TGFBI: variants seen among roughly 807,000 people sequenced by gnomAD.
TGFBI encodes the protein transforming growth factor beta induced, also known as transforming growth factor-beta-induced protein ig-h3.
In TGFBI, 50 loss-of-function variants were observed where a neutral mutation model predicts 73.7. That is an observed-to-expected ratio of 0.68 (90% CI 0.54 to 0.86). The LOEUF is 0.86. Ranked by LOEUF, TGFBI falls within the 40% of genes least tolerant of loss-of-function variation. The probability of loss-of-function intolerance (pLI) is 0.00; values close to 1 mark genes in which losing one functional copy is unlikely to be tolerated. For missense variants in TGFBI, 839 were observed against 877.0 expected (o/e 0.96, Z 0.55); for synonymous variants, 362 against 360.5 (o/e 1.00, Z -0.05).
rs866488413 is a variant in TGFBI, at chr5:136,035,618, C to A, written c.233+1757C>A. Among the ~76,000 whole-genome samples the A allele has an allele frequency of 2.3e-4, 33 of 144,086 alleles. No individual in the cohort carries two copies. The Middle Eastern group carries it at 0.014, about 61-fold the overall frequency. 94.5% of individuals were successfully genotyped at this position (144,086 alleles called of 152,430 possible). On this transcript the variant is annotated intron_variant, in intron 2 of 16. Transcript: ENST00000442011. ...CCAGCCTGGGTGACAGAGTGAGACA[C>A]CGTCTCAAAAAAAAAAAAAAAAAAA...
intron 2 of TGFBI, among the ~76,000 whole-genome samples, chr5:136,042,478 T>C (rs926774403): frequency 6.6e-6 from 1 of 152,172 alleles, no homozygotes; most frequent in Non-Finnish European, 1.5e-5. Flanking sequence ...TGAAAGTGTG[T>C]CAATCAAATC....
chr5:136,047,651 C>T (rs545535376), intron 6 of TGFBI: 8 of 546,000 alleles, frequency 1.5e-5, no homozygotes, highest in South Asian at 1.3e-4. Flanking sequence ...CTTGCCTCCC[C>T]TGGAAAGGTC....
Position 136,063,324 on chromosome 5 carries a change from A to G in TGFBI, c.*98A>G. On this transcript the variant is annotated 3_prime_UTR_variant, in exon 17 of 17. Coordinates refer to ENST00000442011, the MANE Select transcript of TGFBI (RefSeq NM_000358.3). ...TTGAATGTTTTCAAAACCAAGTATC[A>G]CACTTTAATGTACATGGGCCGCACC... 7.0e-6 allele frequency: 8 copies of G among 1,138,636 alleles called. No individual in the cohort carries two copies. Among genetic ancestry groups the G allele is most frequent in the Non-Finnish European group, 9.1e-6 (7 of 765,644 alleles). The allele number at this position is 1,138,636 out of a possible 1,614,324, so 70.5% of individuals were successfully genotyped here. A position where few individuals can be genotyped will look rare whatever the true frequency, so the allele number is the denominator to read the frequency against.
In TGFBI at chr5:136,046,961, C is replaced by T; in HGVS notation, c.570C>T (p.Thr190=). 1 of 1,613,672 alleles carries T rather than the reference C, an allele frequency of 6.2e-7. No individual in the cohort carries two copies. The highest frequency in any genetic ancestry group is 8.5e-7 in the Non-Finnish European group (1 of 1,179,860). ...CTGATGAGCTGAAACACGGCATGAC[C>T]CTCACCTCTATGTACCAGAATTCCA... is the stretch of plus-strand genomic sequence containing the variant. ...VLTDELKHGM[T]LTSMYQNSNI... The change falls in exon 5 of 17, where the codon ACC becomes ACT. Residue 190 remains threonine (T), a synonymous_variant. Transcript: ENST00000442011.
intron 2 of TGFBI, among the ~76,000 whole-genome samples, chr5:136,036,199 G>A (rs1409453661): frequency 6.6e-6 from 1 of 152,172 alleles, no homozygotes; most frequent in Non-Finnish European, 1.5e-5. Flanking sequence ...GAGTCCTCTA[G>A]GAAAAGGAAG....
Position 136,055,801 on chromosome 5 carries a change from G to T in TGFBI, c.1532G>T (p.Gly511Val). The T allele has an allele frequency of 1.2e-6, 2 of 1,609,374 alleles. No homozygotes were observed. The highest frequency in any genetic ancestry group is 1.7e-6 in the Non-Finnish European group (2 of 1,176,492). Residue 511 changes from glycine to valine, a missense_variant, in exon 11 of 17, where the codon GGA (glycine) becomes GTA (valine). Transcript: ENST00000442011. ...GGGACTGTCATGGATGTCCTGAAGG[G>T]AGACAATCGCTTTAGGTAATTAGTT... Reference protein sequence around the residue: ...PMGTVMDVLKGDNRFSMLVAA... With the variant: ...PMGTVMDVLKVDNRFSMLVAA...
chr5:136,053,793 A>T, intron 8 of TGFBI, 150 bp from the exon 9 acceptor site: 1 of 1,141,732 alleles, frequency 8.8e-7, no homozygotes, highest in Non-Finnish European at 1.2e-6. Flanking sequence ...TCCCCTGATG[A>T]CACAAGCCCG....
intron 15 of TGFBI, among the ~76,000 whole-genome samples, chr5:136,061,849 G>A (rs1751754993): frequency 6.6e-6 from 1 of 152,234 alleles, no homozygotes; most frequent in Non-Finnish European, 1.5e-5. Flanking sequence ...CACTGCTGGA[G>A]AGAACAGACA....
chr5:136,029,256 T>G, intron 1 of TGFBI, 67 bp downstream of exon 1: 1 of 1,399,832 alleles, frequency 7.1e-7, no homozygotes, highest in Non-Finnish European at 9.3e-7. Context: ...CGCAAGCCGC[T>G]GGGGGCATTG....
intron 1 of TGFBI, 42 bp downstream of exon 1, chr5:136,029,231 A>G (rs766593732): frequency 7.7e-6 from 11 of 1,430,284 alleles, no homozygotes; most frequent in Non-Finnish European, 1.0e-5. Flanking sequence ...AAGGTCAGGT[A>G]GTCGGGGCTC....
intron 9 of TGFBI, 23 bp from the exon 10 acceptor site, chr5:136,054,693 C>T: frequency 1.2e-6 from 2 of 1,613,896 alleles, no homozygotes; most frequent in Non-Finnish European, 8.5e-7. Context: ...CTCTCTGGAC[C>T]TAACCATCAC....
At chr5:136,058,787 G>C (rs41502049) in intron 12 of TGFBI, 3,556 of 280,586 alleles carry the variant, frequency 0.013, 121 homozygotes, top group African/African-American at 0.073. Context: ...AGAGGAGTAT[G>C]GATTAACTCC....
chr5:136,035,873 G>A (rs1056617097), intron 2 of TGFBI, among the ~76,000 whole-genome samples: 7 of 151,950 alleles, frequency 4.6e-5, no homozygotes, highest in South Asian at 4.2e-4. Flanking sequence ...ATGGAGACCC[G>A]TTTATGATGA....
Position 136,063,266 on chromosome 5 carries a change from C to A in TGFBI, c.*40C>A, listed in dbSNP as rs376033284. 6.3e-7 allele frequency: 1 copy of A among 1,579,708 alleles called. No homozygotes were observed. Among genetic ancestry groups the A allele is most frequent in the Non-Finnish European group, 8.7e-7 (1 of 1,150,124 alleles). On this transcript the variant is annotated 3_prime_UTR_variant, in exon 17 of 17. Coordinates refer to ENST00000442011, the MANE Select transcript of TGFBI (RefSeq NM_000358.3). ...GGAGGAATGCACCACGGCAGCTCTC[C>A]GCCAATTTCTCTCAGATTTCCACAG... is the stretch of plus-strand genomic sequence containing the variant.
intron 10 of TGFBI, 92 bp from the exon 11 acceptor site, chr5:136,055,588 G>T: frequency 6.4e-6 from 8 of 1,246,134 alleles, no homozygotes; most frequent in South Asian, 2.5e-5. Flanking sequence ...CATCTTCATG[G>T]ATAATGACCC....
intron 1 of TGFBI, among the ~76,000 whole-genome samples, chr5:136,033,329 A>G (rs914761632): frequency 2.0e-5 from 3 of 152,178 alleles, no homozygotes; most frequent in African/African-American, 4.8e-5. Context: ...GGGTCCTGAG[A>G]GCAACCAGCC....
In TGFBI at chr5:136,062,739, C is replaced by G; in HGVS notation, c.2011+52C>G. The stretch of plus-strand genomic sequence containing the variant: ...TTGCAGACCTGTTTAGGCCTTACCC[C>G]CAAGCAAGCCCAAGCCTGCCATCTG... On this transcript the variant is annotated intron_variant, in intron 16 of 16. Transcript: ENST00000442011. 1.8e-5 allele frequency: 27 copies of G among 1,529,496 alleles called. No individual in the cohort carries two copies. In the South Asian group the frequency reaches 2.4e-4, roughly 14 times the overall value. 94.7% of individuals were successfully genotyped at this position (1,529,496 alleles called of 1,614,324 possible).
At chr5:136,059,009 A>G (rs1267965079) in intron 12 of TGFBI, 81 bp from the exon 13 acceptor site, 23 of 1,523,110 alleles carry the variant, frequency 1.5e-5, no homozygotes, top group South Asian at 8.9e-5. Context: ...GACCACTTAC[A>G]TCTTCTCCTC....
rs113538354 is a variant in TGFBI, at chr5:136,047,372, C to T, written c.723C>T (p.Asn241=). 1 of 1,613,890 alleles carries T rather than the reference C, an allele frequency of 6.2e-7. No homozygotes were observed. Among genetic ancestry groups the T allele is most frequent in the East Asian group, 2.2e-5 (1 of 44,836 alleles). Residue 241 remains asparagine, a synonymous_variant, in exon 6 of 17, where the codon AAC becomes AAT. Coordinates refer to ENST00000442011, the MANE Select transcript of TGFBI (RefSeq NM_000358.3). ...LIDKVISTIT[N]NIQQIIEIED... ...ATAAGGTCATCTCCACCATCACCAA[C>T]AACATCCAGCAGATCATTGAGATCG...
Sources: gnomAD v4.1 joint callset for allele counts (sites outside exome capture counted in the v4.1 genomes callset) on GRCh38, gnomAD v4.1.1 for gene constraint, MANE v1.5 for transcripts, NCBI Gene and HGNC (gene_info 2026-07-23, HGNC 2026-07-21) for gene names.